CPAMD8: variants seen among roughly 807,000 people sequenced by gnomAD.
CPAMD8 encodes C3 and PZP-like alpha-2-macroglobulin domain-containing protein 8.
CPAMD8 carries 146 observed loss-of-function variants against 224.7 expected under a neutral mutation model. That is an observed-to-expected ratio of 0.65 (90% CI 0.57 to 0.75). CPAMD8 has a LOEUF of 0.75. Among genes scored for constraint, CPAMD8 ranks in the 30% least tolerant of loss-of-function variants. The probability of loss-of-function intolerance (pLI) is 0.00; values close to 1 mark genes in which losing one functional copy is unlikely to be tolerated. For synonymous variants in CPAMD8, 966 were observed against 1,044.6 expected, an observed-to-expected ratio of 0.92 and a Z score of 1.45; for missense variants, 2,301 against 2,537.5, an observed-to-expected ratio of 0.91 and a Z score of 2.00.
At chr19:16,947,024 C>T in intron 21 of CPAMD8, 50 bp downstream of exon 21, 2 of 1,541,602 alleles carry the variant, frequency 1.3e-6, no homozygotes, top group East Asian at 2.3e-5. Flanking sequence ...TGCCAGGACA[C>T]TTTTGTGGCC....
chr19:16,930,791 G>A (rs1187603041), intron 23 of CPAMD8, among the ~76,000 whole-genome samples: 1 of 152,138 alleles, frequency 6.6e-6, no homozygotes, highest in Admixed American at 6.5e-5. Flanking sequence ...AGCAGCTACA[G>A]CAGGGCACCG....
intron 13 of CPAMD8, among the ~76,000 whole-genome samples, chr19:16,983,731 T>C (rs1032731232): frequency 1.3e-5 from 2 of 152,156 alleles, no homozygotes; most frequent in African/African-American, 4.8e-5. Flanking sequence ...AAATAAAATC[T>C]GGAGTCTGGT....
intron 29 of CPAMD8, among the ~76,000 whole-genome samples, chr19:16,910,326 C>T (rs1352138614): frequency 6.6e-6 from 1 of 151,774 alleles, no homozygotes; most frequent in Non-Finnish European, 1.5e-5. Context: ...TGCGCCATCA[C>T]ACCCAGCTAA....
At chr19:17,026,432 G>C (rs916763414) in intron 1 of CPAMD8, 119 bp downstream of exon 1, 9 of 1,145,850 alleles carry the variant, frequency 7.9e-6, no homozygotes, top group Non-Finnish European at 8.0e-6. Context: ...AAGAGGCCAG[G>C]TCCAGCCCAG....
chr19:16,924,771 A>G (rs1220540663), intron 26 of CPAMD8, among the ~76,000 whole-genome samples: 3 of 151,580 alleles, frequency 2.0e-5, no homozygotes, highest in Admixed American at 2.0e-4. Context: ...TTTTGTAGAG[A>G]CCGGGGTCTT....
At chr19:16,904,176 A>ACGGG in intron 32 of CPAMD8, 50 bp downstream of exon 32, 8 of 937,326 alleles carry the variant, frequency 8.5e-6, no homozygotes, top group Non-Finnish European at 8.4e-6. Flanking sequence ...GACTGCAGGG[A>ACGGG]CCCCACCCAC....
intron 29 of CPAMD8, among the ~76,000 whole-genome samples, chr19:16,909,180 G>A (rs2052631998): frequency 6.6e-6 from 1 of 152,208 alleles, no homozygotes; most frequent in African/African-American, 2.4e-5. Flanking sequence ...CTTTGCAGAT[G>A]TAATTAAGAG....
chr19:16,977,013 G>A (rs2055301309), intron 15 of CPAMD8, among the ~76,000 whole-genome samples: 2 of 152,208 alleles, frequency 1.3e-5, no homozygotes, highest in Non-Finnish European at 2.9e-5. Context: ...CTGCACTCCA[G>A]CCTGGGTGAC....
intron 14 of CPAMD8, among the ~76,000 whole-genome samples, chr19:16,979,386 TCATC>T (rs55698805): frequency 1.2e-4 from 16 of 133,574 alleles, no homozygotes; most frequent in South Asian, 9.9e-4. Flanking sequence ...ATCTGTCCAT[TCATC>T]CATCCATCCA....
Position 16,896,652 on chromosome 19 carries a change from G to A in CPAMD8, c.5079C>T (p.Gly1693=). ...CAGGGGCCACGGCAGGGCCCGACTC[G>A]CCGGGGAACCAGCCTGGGGGACGAG... is the stretch of plus-strand genomic sequence containing the variant. ...APARGPGWFP[G]ESGPAVAPEE... The change falls in exon 40 of 42, where the codon GGC becomes GGT. Residue 1693 remains glycine (G), a synonymous_variant. Transcript: ENST00000443236. 2 of 1,460,504 alleles carry A rather than the reference G, an allele frequency of 1.4e-6. No homozygotes were observed. The highest frequency in any genetic ancestry group is 1.8e-6 in the Non-Finnish European group (2 of 1,109,098). 90.5% of individuals were successfully genotyped at this position (1,460,504 alleles called of 1,614,324 possible).
chr19:17,021,285 G>A (rs1449668296), intron 2 of CPAMD8, among the ~76,000 whole-genome samples: 1 of 152,110 alleles, frequency 6.6e-6, no homozygotes, highest in Non-Finnish European at 1.5e-5. Context: ...CAACTGGGTT[G>A]GGTTTCAGTT....
intron 21 of CPAMD8, 105 bp downstream of exon 21, chr19:16,946,969 C>A: frequency 8.1e-7 from 1 of 1,240,428 alleles, no homozygotes. Flanking sequence ...ACAGTCCTGA[C>A]CTTACCTGCT....
chr19:16,902,902 C>CTATG (rs1159550276), intron 34 of CPAMD8, 39 bp from the exon 35 acceptor site: 3 of 1,363,082 alleles, frequency 2.2e-6, no homozygotes, highest in Non-Finnish European at 3.0e-6. Context: ...GGGACCTGGG[C>CTATG]CCTCCATAAC....
At chr19:17,005,397 G>A (rs1246950842) in intron 7 of CPAMD8, among the ~76,000 whole-genome samples, 2 of 94,162 alleles carry the variant, frequency 2.1e-5, no homozygotes, top group Non-Finnish European at 4.5e-5. Context: ...ACCCCTCCAT[G>A]AGAACCACCC....
chr19:16,903,908 T>C lies in CPAMD8; in HGVS notation c.4252-51A>G, dbSNP rs79769868. 71,737 of 1,576,212 alleles carry C rather than the reference T, an allele frequency of 0.046. 1,940 individuals are homozygous for C. Among genetic ancestry groups the C allele is most frequent in the Non-Finnish European group, 0.054 (62,134 of 1,153,260 alleles). Reference sequence around the variant, plus strand: ...TCAACCCTGAGACTGAGTTGGCCAGTGGTCCCCTGAACCCCGTCTTGGAAG... The same window carrying C: ...TCAACCCTGAGACTGAGTTGGCCAGCGGTCCCCTGAACCCCGTCTTGGAAG... On this transcript the variant is annotated intron_variant, in intron 32 of 41. Transcript: ENST00000443236.
In CPAMD8 at chr19:16,899,330, T is replaced by G; in HGVS notation, c.4848+145A>C. 1 of 591,438 alleles carries G rather than the reference T, an allele frequency of 1.7e-6. No individual in the cohort carries two copies. Among genetic ancestry groups the G allele is most frequent in the Non-Finnish European group, 3.1e-6 (1 of 320,188 alleles). 36.6% of individuals were successfully genotyped at this position (591,438 alleles called of 1,614,324 possible). A position where few individuals can be genotyped will look rare whatever the true frequency, so the allele number is the denominator to read the frequency against. On this transcript the variant is annotated intron_variant, in intron 37 of 41. Coordinates refer to ENST00000443236, the MANE Select transcript of CPAMD8 (RefSeq NM_015692.5). The surrounding 1 kb of genome is among the most constrained non-coding windows in gnomAD (Gnocchi z 5.4). Reference sequence around the variant, plus strand: ...CCTCGGCTTCCCAAAGTGCTGGGATTACAGGCATGAGCCACCATGCCCGGC... The same window carrying G: ...CCTCGGCTTCCCAAAGTGCTGGGATGACAGGCATGAGCCACCATGCCCGGC...
At chr19:16,996,992 G>T in intron 11 of CPAMD8, 119 bp downstream of exon 11, 1 of 692,014 alleles carries the variant, frequency 1.4e-6, no homozygotes, top group South Asian at 1.7e-5. Flanking sequence ...TCCACTCTCC[G>T]CAAAGGTTAT....
intron 29 of CPAMD8, among the ~76,000 whole-genome samples, chr19:16,914,151 C>A (rs1421129282): frequency 1.3e-5 from 2 of 152,264 alleles, no homozygotes; most frequent in East Asian, 3.9e-4. Flanking sequence ...GGGCTGTGGA[C>A]AGTCATGGGA....
chr19:16,904,262 C>T lies in CPAMD8; in HGVS notation c.4215G>A (p.Gln1405=). The part of the protein sequence containing the change: ...AALPVVKWLS[Q]QRNALGGFSS... ...AGAAGCCCCCAAGTGCATTTCGCTG[C>T]TGGGACAGCCACTTCACCACAGGCA... Residue 1405 remains glutamine (Q), a synonymous_variant, in exon 32 of 42, where the codon CAG becomes CAA. Transcript: ENST00000443236. 6.4e-7 allele frequency: 1 copy of T among 1,569,346 alleles called. No homozygotes were observed. The highest frequency in any genetic ancestry group is 8.7e-7 in the Non-Finnish European group (1 of 1,153,156).
Sources: allele counts gnomAD v4.1 joint callset (sites outside exome capture counted in the v4.1 genomes callset), GRCh38; gene constraint gnomAD v4.1.1; non-coding constraint Gnocchi (gnomAD v3.1); transcripts MANE v1.5; gene names NCBI Gene and HGNC (gene_info 2026-07-23, HGNC 2026-07-21).